Variants in ANKRD31 observed in about 807,000 individuals in gnomAD.
ANKRD31 encodes ankyrin repeat domain-containing protein 31.
In ANKRD31, 147 loss-of-function variants were observed where a neutral mutation model predicts 186.0. The ratio of observed to expected loss-of-function variants is 0.79; its 90% CI spans 0.69 to 0.91. The LOEUF (loss-of-function observed/expected upper bound fraction) is 0.91. ANKRD31 is among the 40% of genes least tolerant of loss of function. The probability of loss-of-function intolerance (pLI) is 0.00; values close to 1 mark genes in which losing one functional copy is unlikely to be tolerated. For missense variants in ANKRD31, 1,986 were observed against 2,148.8 expected, an observed-to-expected ratio of 0.92 and a Z score of 1.50; for synonymous variants, 673 against 736.4, an observed-to-expected ratio of 0.91 and a Z score of 1.39.
At chr5:75,098,734 T>C (rs2150045237) in intron 22 of ANKRD31, among the ~76,000 whole-genome samples, 1 of 152,328 alleles carries the variant, frequency 6.6e-6, no homozygotes, top group East Asian at 1.9e-4. Context: ...TCTCTGTTTG[T>C]CTGTTGTTGG....
chr5:75,075,961 T>G (rs1048889502), intron 25 of ANKRD31, among the ~76,000 whole-genome samples: 26 of 152,152 alleles, frequency 1.7e-4, no homozygotes, highest in Admixed American at 1.7e-3. Flanking sequence ...AAGTCTAAAA[T>G]TTTTGAACTC....
chr5:75,228,577 T>C (rs1279307914), intron 2 of ANKRD31, among the ~76,000 whole-genome samples: 1 of 151,876 alleles, frequency 6.6e-6, no homozygotes, highest in Non-Finnish European at 1.5e-5. Flanking sequence ...ATACCAATTA[T>C]GAAAAAAAGA....
rs564984404 is a variant in ANKRD31, at chr5:75,113,015, A to G, written c.4156-415T>C. Among the ~76,000 whole-genome samples the G allele has an allele frequency of 3.9e-5, 6 of 152,326 alleles. No individual in the cohort carries two copies. In the East Asian group the frequency reaches 9.6e-4, roughly 24 times the overall value. ...ATCTTATACATAATCTTAGAAATAC[A>G]AAACACTATGCTCTCAAAAATTCAC... On this transcript the variant is annotated intron_variant, in intron 19 of 25. Coordinates refer to ENST00000506364, the MANE Select transcript of ANKRD31 (RefSeq NM_001372053.1).
chr5:75,150,906 G>A (rs1455811440), intron 12 of ANKRD31, among the ~76,000 whole-genome samples: 1 of 151,896 alleles, frequency 6.6e-6, no homozygotes, highest in Non-Finnish European at 1.5e-5. Context: ...ATCTTAATGT[G>A]CTTGTATAGA....
At chr5:75,136,324 T>C (rs1362689312) in intron 17 of ANKRD31, among the ~76,000 whole-genome samples, 1 of 151,362 alleles carries the variant, frequency 6.6e-6, no homozygotes, top group Non-Finnish European at 1.5e-5. Context: ...CAAGAAAAAA[T>C]CAAACAACCC....
chr5:75,099,005 T>C (rs1416341413), intron 22 of ANKRD31, among the ~76,000 whole-genome samples: 1 of 152,214 alleles, frequency 6.6e-6, no homozygotes, highest in Non-Finnish European at 1.5e-5. Context: ...CCCTGTCTTG[T>C]GCCAGTTTTC....
chr5:75,141,277 AC>A (rs1466806733), intron 15 of ANKRD31, among the ~76,000 whole-genome samples: 4 of 152,166 alleles, frequency 2.6e-5, no homozygotes, highest in African/African-American at 9.7e-5. Context: ...CCAGACAAAA[AC>A]ATATTGCTCT....
chr5:75,169,021 C>T lies in ANKRD31; in HGVS notation c.1665G>A (p.Gln555=), dbSNP rs1753126770. The part of the protein sequence containing the change: ...GADVNIKGLY[Q]ITPLHDAVMN... ...TCACTGCATCATGTAGGGGAGTAAT[C>T]TGGTATAATCCTTTGATATTTACAT... is the stretch of plus-strand genomic sequence containing the variant. Residue 555 remains glutamine, a synonymous_variant, in exon 11 of 26, where the codon CAG becomes CAA. Coordinates refer to ENST00000506364, the MANE Select transcript of ANKRD31 (RefSeq NM_001372053.1). 2.0e-6 allele frequency: 3 copies of T among 1,536,448 alleles called. No individual in the cohort carries two copies. In the East Asian group the frequency reaches 7.3e-5, roughly 38 times the overall value.
Position 75,080,554 on chromosome 5 carries a change from TC to T in ANKRD31, c.5647+13del. On this transcript the variant is annotated intron_variant, in intron 25 of 25. Transcript: ENST00000506364. The stretch of plus-strand genomic sequence containing the variant: ...TAAAAGTAAATGGAATTGAATATTT[TC>T]TTTTTTTTTTACCTTGTCCAAATTT... 1 of 1,491,844 alleles carries T rather than the reference TC, an allele frequency of 6.7e-7. No homozygotes were observed. The highest frequency in any genetic ancestry group is 9.0e-7 in the Non-Finnish European group (1 of 1,110,366). The allele number at this position is 1,491,844 out of a possible 1,614,324, so 92.4% of individuals were successfully genotyped here.
intron 10 of ANKRD31, among the ~76,000 whole-genome samples, chr5:75,176,731 G>A (rs980230623): frequency 6.6e-6 from 1 of 152,186 alleles, no homozygotes; most frequent in African/African-American, 2.4e-5. Context: ...AAACCCGTCT[G>A]TACGTCACCA....
chr5:75,104,179 C>T, intron 22 of ANKRD31, 49 bp downstream of exon 22: 1 of 1,373,268 alleles, frequency 7.3e-7, no homozygotes, highest in Non-Finnish European at 9.6e-7. Flanking sequence ...AACATTTACT[C>T]ACTTATTTAT....
At chr5:75,226,765 A>G (rs1284900364) in intron 2 of ANKRD31, among the ~76,000 whole-genome samples, 1 of 152,208 alleles carries the variant, frequency 6.6e-6, no homozygotes, top group African/African-American at 2.4e-5. Context: ...ACAACAGGCA[A>G]TAACAAATGC....
intron 23 of ANKRD31, among the ~76,000 whole-genome samples, chr5:75,086,813 T>C (rs1182962107): frequency 6.6e-6 from 1 of 152,210 alleles, no homozygotes; most frequent in Non-Finnish European, 1.5e-5. Context: ...AATTAGTCTA[T>C]GCTGATTCTC....
intron 19 of ANKRD31, among the ~76,000 whole-genome samples, chr5:75,112,941 A>G (rs1232475529): frequency 6.6e-6 from 1 of 152,236 alleles, no homozygotes; most frequent in Non-Finnish European, 1.5e-5. Context: ...GTGCATACAT[A>G]TAACAAGTTC....
At chr5:75,129,803 C>G (rs1424247893) in intron 17 of ANKRD31, among the ~76,000 whole-genome samples, 1 of 152,160 alleles carries the variant, frequency 6.6e-6, no homozygotes, top group African/African-American at 2.4e-5. Flanking sequence ...GGGTGCAGCC[C>G]ACGGAGTGTG....
intron 5 of ANKRD31, among the ~76,000 whole-genome samples, chr5:75,200,406 T>C (rs1034962724): frequency 2.6e-5 from 4 of 151,802 alleles, no homozygotes; most frequent in Admixed American, 6.5e-5. Flanking sequence ...CAAGTGATTC[T>C]CCTGCCTCAG....
intron 10 of ANKRD31, among the ~76,000 whole-genome samples, chr5:75,171,100 C>G (rs9654429): frequency 0.51 from 76,713 of 151,790 alleles, 22,316 homozygotes; most frequent in African/African-American, 0.81. Context: ...AGATATAGAA[C>G]AGCTGAACAA....
chr5:75,168,830 A>G, intron 11 of ANKRD31, 149 bp downstream of exon 11: 1 of 780,520 alleles, frequency 1.3e-6, no homozygotes, highest in East Asian at 2.8e-5. Context: ...AACCCATCAC[A>G]CAGTAAAATT....
At chr5:75,220,411 G>A (rs952292969) in intron 3 of ANKRD31, among the ~76,000 whole-genome samples, 5 of 151,992 alleles carry the variant, frequency 3.3e-5, no homozygotes, top group South Asian at 2.1e-4. Flanking sequence ...AGGCTGAGGC[G>A]GGTGGATCAC....
Sources: gnomAD v4.1 joint callset for allele counts (sites outside exome capture counted in the v4.1 genomes callset) on GRCh38, gnomAD v4.1.1 for gene constraint, MANE v1.5 for transcripts, NCBI Gene and HGNC (gene_info 2026-07-23, HGNC 2026-07-21) for gene names.